The following RRBP1 variants were observed in gnomAD, a reference collection of about 807,000 sequenced individuals.
The protein encoded by RRBP1 is ribosome-binding protein 1.
RRBP1 carries 94 observed loss-of-function variants against 165.2 expected under a neutral mutation model. The observed-to-expected ratio is 0.57, with a 90% CI of 0.48 to 0.68. The LOEUF (loss-of-function observed/expected upper bound fraction) is 0.68, where lower values mean the gene tolerates loss of function less well. RRBP1 is among the 30% of genes least tolerant of loss of function. RRBP1 has a pLI of 0.00. For synonymous variants in RRBP1, 680 were observed against 714.5 expected, an observed-to-expected ratio of 0.95 and a Z score of 0.77; for missense variants, 1,676 against 1,763.0, an observed-to-expected ratio of 0.95 and a Z score of 0.88.
intron 3 of RRBP1, among the ~76,000 whole-genome samples, chr20:17,644,760 G>A (rs1300926172): frequency 2.0e-5 from 3 of 152,088 alleles, no homozygotes; most frequent in African/African-American, 7.2e-5. Context: ...GCTATGAGTG[G>A]AAAGTACACG....
chr20:17,678,696 G>A (rs561667109), intron 2 of RRBP1, among the ~76,000 whole-genome samples: 1 of 152,322 alleles, frequency 6.6e-6, no homozygotes, highest in African/African-American at 2.4e-5. Context: ...TGACTACTGA[G>A]CACCTGAAAT....
chr20:17,651,826 T>C (rs545608154), intron 3 of RRBP1, among the ~76,000 whole-genome samples: 1 of 152,366 alleles, frequency 6.6e-6, no homozygotes, highest in South Asian at 2.1e-4. Context: ...AATACAGCCA[T>C]GGACAAGTGG....
At chr20:17,679,938 G>C (rs1044638142) in intron 2 of RRBP1, 61 bp downstream of exon 2, 1 of 152,206 alleles carries the variant, frequency 6.6e-6, no homozygotes, top group African/African-American at 2.4e-5. Flanking sequence ...GGCCTCCACT[G>C]GCCCAAGATC....
rs776146250 is a variant in RRBP1, at chr20:17,660,097, C to G, written c.411G>C (p.Lys137Asn). 2 of 1,613,996 alleles carry G rather than the reference C, an allele frequency of 1.2e-6. No individual in the cohort carries two copies. The highest frequency in any genetic ancestry group is 1.7e-6 in the Non-Finnish European group (2 of 1,179,996). The change falls in exon 3 of 25, where the codon AAG becomes AAC. Residue 137 changes from lysine to asparagine, a missense_variant. Lys to Asn is a moderately conservative substitution (Grantham distance 94, BLOSUM62 0). Transcript: ENST00000377813. ...CTTTTTTCTCCTTCTTCTTTTTGTC[C>G]TTGGGGGAGGAGGCCAGCTTCTCCT... ...MPQEKLASSP[K>N]DKKKKEKKVA...
At chr20:17,681,800 G>A (rs1369015863) in intron 1 of RRBP1, among the ~76,000 whole-genome samples, 7 of 150,444 alleles carry the variant, frequency 4.7e-5, no homozygotes, top group Non-Finnish European at 8.9e-5. Context: ...TCCACACCAC[G>A]GGGCGCGCCC....
At position 17,618,201 on chromosome 20, in the gene RRBP1, G is replaced by A. The variant is rs1410617752; in HGVS notation, c.3759+395C>T. ...GCACGGGACTTGCTGAGAGCCCCAG[G>A]GCGATGGGTGGCCAGGCCAGGAGGA... On this transcript the variant is annotated intron_variant, in intron 20 of 24. Coordinates refer to ENST00000377813, the MANE Select transcript of RRBP1 (RefSeq NM_001365613.2). 5.3e-5 allele frequency among the ~76,000 whole-genome samples: 8 copies of A among 152,260 alleles called. No homozygotes were observed. In the East Asian group the frequency reaches 1.5e-3, roughly 29 times the overall value.
rs2122448478 is a variant in RRBP1 at position 17,659,536 on chromosome 20, C to T, written c.972G>A (p.Gly324=). Residue 324 remains glycine (G), a synonymous_variant, in exon 3 of 25, where the codon GGG becomes GGA. Coordinates refer to ENST00000377813, the MANE Select transcript of RRBP1 (RefSeq NM_001365613.2). ...CGGCCTTCTTGCCCTGGTTCTGGGC[C>T]CCCTCTCCCTTTTTGCCCTGATTCT... ...GAQNQGKKGE[G]AQNQGKKAEG... 1 of 1,547,486 alleles carries T rather than the reference C, an allele frequency of 6.5e-7. No individual in the cohort carries two copies. The highest frequency in any genetic ancestry group is 1.7e-4 in the Middle Eastern group (1 of 5,970).
At chr20:17,626,221 C>T (rs1279449411) in intron 11 of RRBP1, among the ~76,000 whole-genome samples, 1 of 152,170 alleles carries the variant, frequency 6.6e-6, no homozygotes, top group East Asian at 1.9e-4. Context: ...TCAGATTAAT[C>T]CTAACTACAA....
At chr20:17,644,465 C>T (rs1169950533) in intron 3 of RRBP1, among the ~76,000 whole-genome samples, 1 of 152,218 alleles carries the variant, frequency 6.6e-6, no homozygotes, top group African/African-American at 2.4e-5. Context: ...GAGAAACCCC[C>T]GTGTTAGTTC....
At position 17,660,296 on chromosome 20, in the gene RRBP1, T is replaced by C. The variant is rs752120456; in HGVS notation, c.212A>G (p.Lys71Arg). ...AGGTTTCTCTTCCTTTTTCTTGGTC[T>C]TTCCTTTCTTCTCCACTGTTTTCTC... is the stretch of plus-strand genomic sequence containing the variant. ...KKEKTVEKKGKTKKKEEKPNG... is the reference protein window; with the variant it reads ...KKEKTVEKKGRTKKKEEKPNG... The change falls in exon 3 of 25, where the codon AAG (lysine) becomes AGG (arginine). Residue 71 changes from lysine (K) to arginine (R), a missense_variant. Lys to Arg is a conservative substitution (Grantham distance 26). Coordinates refer to ENST00000377813, the MANE Select transcript of RRBP1 (RefSeq NM_001365613.2). 6.2e-7 allele frequency: 1 copy of C among 1,607,488 alleles called. No homozygotes were observed. Among genetic ancestry groups the C allele is most frequent in the Non-Finnish European group, 8.5e-7 (1 of 1,176,178 alleles).
Position 17,643,248 on chromosome 20 carries a change from G to C in RRBP1, c.1913-121C>G. 3 of 1,008,172 alleles carry C rather than the reference G, an allele frequency of 3.0e-6. No homozygotes were observed. The highest frequency in any genetic ancestry group is 4.3e-6 in the Non-Finnish European group (3 of 694,974). 62.5% of individuals were successfully genotyped at this position (1,008,172 alleles called of 1,614,324 possible). ...CCACGAAGAGCTCTCTGACTGCTTGGGGTCAGCAGGCTGAGCATGGCGAGT... is the reference window on the plus strand; with the variant it reads ...CCACGAAGAGCTCTCTGACTGCTTGCGGTCAGCAGGCTGAGCATGGCGAGT... On this transcript the variant is annotated intron_variant, in intron 3 of 24. Coordinates refer to ENST00000377813, the MANE Select transcript of RRBP1 (RefSeq NM_001365613.2). The surrounding 1 kb of genome is among the most constrained non-coding windows in gnomAD (Gnocchi z 4.3).
In RRBP1 at chr20:17,646,252, G is replaced by A. The variant is rs140766723; in HGVS notation, c.1913-3125C>T. ...GGCCTGCCCAAGAGCCTGGAAACGA[G>A]ATTTTTAAGTGCTATCTTCTCATCT... is the stretch of plus-strand genomic sequence containing the variant. On this transcript the variant is annotated intron_variant, in intron 3 of 24. Transcript: ENST00000377813. Among the ~76,000 whole-genome samples the A allele has an allele frequency of 9.0e-4, 137 of 152,324 alleles. 1 individual carries two copies. The Middle Eastern group carries it at 0.02, about 23-fold the overall frequency.
Position 17,660,178 on chromosome 20 carries a change from GGTTGGAGCCACAGCCACA to G in RRBP1, c.312_329del (p.Val105_Thr110del). 6.2e-7 allele frequency: 1 copy of G among 1,613,956 alleles called. No individual in the cohort carries two copies. Among genetic ancestry groups the G allele is most frequent in the Non-Finnish European group, 8.5e-7 (1 of 1,179,968 alleles). ...CAACGATAATGGGGGGCTGCACTGG[GGTTGGAGCCACAGCCACA>G]GCAGGAGCCCGCACTGGTTCTCGAA... On this transcript the variant is annotated inframe_deletion, in exon 3 of 25. Coordinates refer to ENST00000377813, the MANE Select transcript of RRBP1 (RefSeq NM_001365613.2).
intron 17 of RRBP1, 133 bp from the exon 18 acceptor site, chr20:17,620,503 G>A (rs2122255329): frequency 6.7e-6 from 6 of 898,862 alleles, no homozygotes; most frequent in South Asian, 4.0e-5. Context: ...CAGCTGGGAC[G>A]GTCACCCTGG....
In RRBP1 at chr20:17,660,518, T is replaced by C. The variant is rs1350249668; in HGVS notation, c.-11A>G. The C allele has an allele frequency of 1.0e-5, 16 of 1,598,978 alleles. No individual in the cohort carries two copies. Among genetic ancestry groups the C allele is most frequent in the Non-Finnish European group, 1.4e-5 (16 of 1,168,416 alleles). ...GTCGTAAATATCCATCCTGGCTTGC[T>C]TTCCTTTCACCTGTCAAACATACAT... On this transcript the variant is annotated 5_prime_UTR_variant, in exon 3 of 25. Coordinates refer to ENST00000377813, the MANE Select transcript of RRBP1 (RefSeq NM_001365613.2).
intron 5 of RRBP1, 178 bp downstream of exon 5, chr20:17,641,619 T>C: frequency 1.4e-6 from 1 of 734,358 alleles, no homozygotes; most frequent in Non-Finnish European, 2.3e-6. Context: ...AAGGGTGAGC[T>C]GCCGGCCCTT....
chr20:17,680,505 A>AT, intron 1 of RRBP1, among the ~76,000 whole-genome samples: 1 of 152,124 alleles, frequency 6.6e-6, no homozygotes, highest in East Asian at 1.9e-4. Flanking sequence ...TCAGAGTTTC[A>AT]TTTCCTTGGT....
At chr20:17,649,670 C>T (rs1049962309) in intron 3 of RRBP1, among the ~76,000 whole-genome samples, 2 of 152,150 alleles carry the variant, frequency 1.3e-5, no homozygotes, top group Non-Finnish European at 2.9e-5. Context: ...CTACCCTAGA[C>T]ACCTTGAATA....
intron 3 of RRBP1, among the ~76,000 whole-genome samples, chr20:17,651,643 A>G (rs968838071): frequency 6.6e-6 from 1 of 150,874 alleles, no homozygotes; most frequent in Admixed American, 6.6e-5. Context: ...CAATGAATTT[A>G]CCCCCCCGCC....
Sources: gnomAD v4.1 joint callset for allele counts (sites outside exome capture counted in the v4.1 genomes callset) on GRCh38, gnomAD v4.1.1 for gene constraint, Gnocchi (gnomAD v3.1) non-coding constraint, MANE v1.5 for transcripts, NCBI Gene and HGNC (gene_info 2026-07-23, HGNC 2026-07-21) for gene names.